SLC2A13: variants seen among roughly 807,000 people sequenced by gnomAD.
SLC2A13 encodes the protein solute carrier family 2 member 13, also known as proton myo-inositol cotransporter.
A neutral mutation model predicts 64.4 loss-of-function variants in SLC2A13; 32 were observed. That is an observed-to-expected ratio of 0.50 (90% CI 0.37 to 0.67). The LOEUF is 0.67. SLC2A13 is among the 30% of genes least tolerant of loss of function. The probability of loss-of-function intolerance (pLI) is 0.00; values close to 1 mark genes in which losing one functional copy is unlikely to be tolerated. For missense variants in SLC2A13, 743 were observed against 829.2 expected, an observed-to-expected ratio of 0.90 and a Z score of 1.28; for synonymous variants, 338 against 327.1, an observed-to-expected ratio of 1.03 and a Z score of -0.36.
chr12:39,766,201 T>C (rs767917232), intron 7 of SLC2A13, among the ~76,000 whole-genome samples: 7 of 152,100 alleles, frequency 4.6e-5, no homozygotes, highest in Non-Finnish European at 1.0e-4. Context: ...AGTATTCGTT[T>C]ACCTCACTGC....
intron 3 of SLC2A13, among the ~76,000 whole-genome samples, chr12:39,983,874 G>T (rs1469764505): frequency 1.4e-5 from 2 of 143,462 alleles, no homozygotes; most frequent in African/African-American, 5.2e-5. Context: ...AAAGACACAT[G>T]CACACGTATG....
At chr12:39,902,817 G>A (rs1017458359) in intron 4 of SLC2A13, among the ~76,000 whole-genome samples, 11 of 152,084 alleles carry the variant, frequency 7.2e-5, no homozygotes, top group Non-Finnish European at 1.3e-4. Context: ...TGAATGAGGT[G>A]AGTGGCATAG....
At chr12:39,916,963 A>T (rs2136049194) in intron 4 of SLC2A13, among the ~76,000 whole-genome samples, 1 of 152,242 alleles carries the variant, frequency 6.6e-6, no homozygotes, top group Admixed American at 6.5e-5. Flanking sequence ...TCCTGAGACT[A>T]TGAGAATGCT....
At chr12:39,842,903 T>G (rs1216584815) in intron 6 of SLC2A13, among the ~76,000 whole-genome samples, 1 of 152,016 alleles carries the variant, frequency 6.6e-6, no homozygotes, top group Non-Finnish European at 1.5e-5. Flanking sequence ...TCACCCAGCA[T>G]GTTTTTGTGG....
chr12:39,955,695 T>C (rs1946303120), intron 3 of SLC2A13, among the ~76,000 whole-genome samples: 1 of 152,072 alleles, frequency 6.6e-6, no homozygotes, highest in Admixed American at 6.6e-5. Context: ...CAATCCTAGA[T>C]CATCCAGGTT....
At chr12:39,972,746 C>T (rs888009742) in intron 3 of SLC2A13, among the ~76,000 whole-genome samples, 1 of 152,152 alleles carries the variant, frequency 6.6e-6, no homozygotes, top group African/African-American at 2.4e-5. Context: ...TATTCTCCTG[C>T]CCTGATTTAT....
intron 4 of SLC2A13, among the ~76,000 whole-genome samples, chr12:39,888,279 C>T (rs1944518832): frequency 6.6e-6 from 1 of 152,132 alleles, no homozygotes; most frequent in Non-Finnish European, 1.5e-5. Context: ...GGCTGGAGTG[C>T]AGTGGTGTGA....
At chr12:39,852,964 T>C (rs1158903044) in intron 6 of SLC2A13, among the ~76,000 whole-genome samples, 1 of 152,242 alleles carries the variant, frequency 6.6e-6, no homozygotes, top group African/African-American at 2.4e-5. Context: ...CAGAAAATTC[T>C]GTAACCAATG....
At position 40,021,954 on chromosome 12, in the gene SLC2A13, G is replaced by C. The variant is rs370118514; in HGVS notation, c.925+6347C>G. Among the ~76,000 whole-genome samples, 20 of 152,074 alleles carry C rather than the reference G, an allele frequency of 1.3e-4. No individual in the cohort carries two copies. The South Asian group carries it at 4.2e-3, about 32-fold the overall frequency. On this transcript the variant is annotated intron_variant, in intron 3 of 9. Transcript: ENST00000280871. ...CTGCAGAATATGATTTGCTGAAAGG[G>C]CCACAGTCAATATCAATTCACAAAA...
chr12:39,901,240 A>G (rs1945097468), intron 4 of SLC2A13, among the ~76,000 whole-genome samples: 1 of 152,250 alleles, frequency 6.6e-6, no homozygotes, highest in Non-Finnish European at 1.5e-5. Context: ...TAAAAACCCT[A>G]GAAGAAAACC....
intron 3 of SLC2A13, among the ~76,000 whole-genome samples, chr12:39,975,755 A>G (rs771421715): frequency 2.6e-5 from 4 of 152,244 alleles, no homozygotes; most frequent in Admixed American, 6.5e-5. Context: ...GTAGCTCTTT[A>G]AATGCAAGTA....
At chr12:40,010,942 T>C (rs546462762) in intron 3 of SLC2A13, among the ~76,000 whole-genome samples, 1 of 152,282 alleles carries the variant, frequency 6.6e-6, no homozygotes, top group Non-Finnish European at 1.5e-5. Context: ...CCAGTTGGTT[T>C]GGTAAGTGTG....
At chr12:39,896,272 ATG>A (rs1455963205) in intron 4 of SLC2A13, among the ~76,000 whole-genome samples, 1 of 131,992 alleles carries the variant, frequency 7.6e-6, no homozygotes, top group African/African-American at 2.8e-5. Flanking sequence ...GTGTGTATAT[ATG>A]TATACATGTA....
Position 39,864,762 on chromosome 12 carries a change from C to T in SLC2A13, c.1319G>A (p.Ser440Asn). Residue 440 changes from serine to asparagine, a missense_variant and splice_region_variant, in exon 6 of 10, where the codon AGT becomes AAT. By Grantham distance (46) the Ser-to-Asn change is conservative. Coordinates refer to ENST00000280871, the MANE Select transcript of SLC2A13 (RefSeq NM_052885.4). Reference sequence around the variant, plus strand: ...GAAGAAGAACATAATGGAATCTCACCTGTATCTTGTGCAAGTGGCGTTCTG... The same window carrying T: ...GAAGAAGAACATAATGGAATCTCACTTGTATCTTGTGCAAGTGGCGTTCTG... ...SGQNATCTRYSYCNECMLDPD... is the reference protein window; with the variant it reads ...SGQNATCTRYNYCNECMLDPD... The T allele has an allele frequency of 6.2e-7, 1 of 1,613,734 alleles. No homozygotes were observed. Among genetic ancestry groups the T allele is most frequent in the African/African-American group, 1.3e-5 (1 of 74,984 alleles).
At chr12:39,813,067 A>G (rs1695074812) in intron 7 of SLC2A13, among the ~76,000 whole-genome samples, 1 of 111,858 alleles carries the variant, frequency 8.9e-6, no homozygotes, top group South Asian at 3.0e-4. Flanking sequence ...CTGGTCTCAA[A>G]CTCCTGGCCT....
chr12:39,764,354 C>T, intron 9 of SLC2A13, 106 bp downstream of exon 9: 1 of 1,071,136 alleles, frequency 9.3e-7, no homozygotes, highest in African/African-American at 1.6e-5. Context: ...ATACTTATAA[C>T]AGCAAAATAT....
chr12:40,083,630 C>T (rs1565620345), intron 1 of SLC2A13, among the ~76,000 whole-genome samples: 1 of 152,210 alleles, frequency 6.6e-6, no homozygotes, highest in Non-Finnish European at 1.5e-5. Context: ...GGAACTCCTC[C>T]CATATCTTCT....
chr12:39,879,586 C>T (rs1270005170), intron 4 of SLC2A13, among the ~76,000 whole-genome samples: 4 of 152,146 alleles, frequency 2.6e-5, no homozygotes, highest in Admixed American at 1.3e-4. Flanking sequence ...GGGGCCTGTA[C>T]CCCCTTTCTT....
intron 1 of SLC2A13, among the ~76,000 whole-genome samples, chr12:40,066,676 T>C (rs948920808): frequency 1.3e-5 from 2 of 152,184 alleles, no homozygotes. Flanking sequence ...TGATGCATAA[T>C]GTGGTAAGTG....
Sources: gnomAD v4.1 joint callset for allele counts (sites outside exome capture counted in the v4.1 genomes callset) on GRCh38, gnomAD v4.1.1 for gene constraint, MANE v1.5 for transcripts, NCBI Gene and HGNC (gene_info 2026-07-23, HGNC 2026-07-21) for gene names.